The following MAGI1 variants were observed in gnomAD, a reference collection of about 807,000 sequenced individuals.
MAGI1 encodes membrane-associated guanylate kinase, WW and PDZ domain-containing protein 1.
In MAGI1, 58 loss-of-function variants were observed where a neutral mutation model predicts 139.9. The observed-to-expected ratio is 0.41, with a 90% CI of 0.34 to 0.52. The LOEUF is 0.52. Ranked by LOEUF, MAGI1 falls within the 20% of genes least tolerant of loss-of-function variation. The probability of loss-of-function intolerance (pLI) is 0.12; values close to 1 mark genes in which losing one functional copy is unlikely to be tolerated. For missense variants in MAGI1, 1,874 were observed against 1,901.6 expected (o/e 0.99, Z 0.27); for synonymous variants, 812 against 737.9 (o/e 1.10, Z -1.63).
At chr3:65,726,632 T>C (rs2033636800) in intron 1 of MAGI1, among the ~76,000 whole-genome samples, 1 of 152,192 alleles carries the variant, frequency 6.6e-6, no homozygotes, top group Non-Finnish European at 1.5e-5. Context: ...TTATACATAC[T>C]GATCCAAAAG....
intron 1 of MAGI1, among the ~76,000 whole-genome samples, chr3:66,024,315 T>TAAA (rs34593257): frequency 1.6e-4 from 15 of 95,744 alleles, no homozygotes; most frequent in Non-Finnish European, 2.4e-4. Flanking sequence ...CAAAGTTCAT[T>TAAA]AAAAAAAAAA....
intron 4 of MAGI1, among the ~76,000 whole-genome samples, chr3:65,473,973 A>C (rs150647968): frequency 6.6e-6 from 1 of 152,314 alleles, no homozygotes; most frequent in African/African-American, 2.4e-5. Context: ...TGTGATTTCA[A>C]AAAAATCTTT....
intron 1 of MAGI1, among the ~76,000 whole-genome samples, chr3:65,783,024 AAG>A (rs1372529584): frequency 1.3e-5 from 2 of 152,110 alleles, no homozygotes; most frequent in African/African-American, 4.8e-5. Context: ...AAGAAGAAAA[AAG>A]AGAAGTTGGA....
chr3:65,666,207 ACTTTCCATG>A (rs1303331227), intron 1 of MAGI1, among the ~76,000 whole-genome samples: 3 of 152,086 alleles, frequency 2.0e-5, no homozygotes, highest in African/African-American at 4.8e-5. Context: ...CCTCTTTAAA[ACTTTCCATG>A]TGTGTGTGTG....
chr3:65,688,481 TCCCTTTCCTA>T (rs1249843112), intron 1 of MAGI1: 2 of 460,234 alleles, frequency 4.3e-6, no homozygotes, highest in Non-Finnish European at 8.5e-6. Context: ...TTCCCTTCAC[TCCCTTTCCTA>T]CCCAAGGGGG....
At chr3:65,547,194 A>C (rs1330309878) in intron 2 of MAGI1, among the ~76,000 whole-genome samples, 1 of 152,238 alleles carries the variant, frequency 6.6e-6, no homozygotes, top group East Asian at 1.9e-4. Flanking sequence ...CGCATCTCTT[A>C]TGCAAAATAA....
At chr3:65,693,579 T>C (rs904093335) in intron 1 of MAGI1, among the ~76,000 whole-genome samples, 4 of 152,182 alleles carry the variant, frequency 2.6e-5, no homozygotes, top group Admixed American at 2.6e-4. Flanking sequence ...TTATTTGAAA[T>C]GTCTACTGTC....
Position 65,379,515 on chromosome 3 carries a change from G to C in MAGI1, c.2741C>G (p.Ser914Cys), listed in dbSNP as rs754063810. ...TENEVPSPAS[S>C]HHSSNQPASL... Reference sequence around the variant, plus strand: ...GGCCGGCTGGTTGCTACTGTGATGAGAGGAGGCTGGCGAGGGCACCTCGTT... The same window carrying C: ...GGCCGGCTGGTTGCTACTGTGATGACAGGAGGCTGGCGAGGGCACCTCGTT... Residue 914 changes from serine to cysteine, a missense_variant, in exon 17 of 23, where the codon TCT (serine) becomes TGT (cysteine). Ser to Cys is a moderately radical substitution (Grantham distance 112). Around this residue, in one of 5 missense-constraint regions of MAGI1, gnomAD observed 482 missense variants for 509.6 expected, o/e 0.95. Transcript: ENST00000402939. 2.5e-6 allele frequency: 4 copies of C among 1,612,932 alleles called. No individual in the cohort carries two copies. The highest frequency in any genetic ancestry group is 2.2e-5 in the East Asian group (1 of 44,846).
chr3:66,014,293 G>A (rs1034242012), intron 1 of MAGI1, among the ~76,000 whole-genome samples: 1 of 152,110 alleles, frequency 6.6e-6, no homozygotes, highest in Non-Finnish European at 1.5e-5. Flanking sequence ...TATCCTTGTT[G>A]TTCCAGATCT....
chr3:65,434,777 G>A (rs1262309331), intron 10 of MAGI1, among the ~76,000 whole-genome samples: 1 of 152,178 alleles, frequency 6.6e-6, no homozygotes, highest in Non-Finnish European at 1.5e-5. Context: ...ATATTCCAAA[G>A]ATTATAAAAG....
At position 66,038,563 on chromosome 3, in the gene MAGI1, C is replaced by A; in HGVS notation, c.-255G>T. On this transcript the variant is annotated 5_prime_UTR_variant, in exon 1 of 23. Coordinates refer to ENST00000402939, the MANE Select transcript of MAGI1 (RefSeq NM_001033057.2). The stretch of plus-strand genomic sequence containing the variant: ...TGTTTGCATTCCGGTGCCTCTGGGT[C>A]CACGTTCCGGCGCCCGCCCGTGCTC... 1 of 468,102 alleles carries A rather than the reference C, an allele frequency of 2.1e-6. No homozygotes were observed. Among genetic ancestry groups the A allele is most frequent in the Non-Finnish European group, 3.7e-6 (1 of 273,184 alleles). 29.0% of individuals were successfully genotyped at this position (468,102 alleles called of 1,614,324 possible). A position where few individuals can be genotyped will look rare whatever the true frequency, so the allele number is the denominator to read the frequency against.
intron 2 of MAGI1, among the ~76,000 whole-genome samples, chr3:65,598,649 A>G (rs1354262931): frequency 1.3e-5 from 2 of 152,228 alleles, no homozygotes; most frequent in East Asian, 1.9e-4. Flanking sequence ...CAAAGGTACA[A>G]TCTGACTCAG....
At position 65,897,685 on chromosome 3, in the gene MAGI1, C is replaced by G. The variant is rs551760323; in HGVS notation, c.313+140311G>C. Among the ~76,000 whole-genome samples the G allele has an allele frequency of 2.0e-5, 3 of 151,716 alleles. No homozygotes were observed. The South Asian group carries it at 6.3e-4, about 32-fold the overall frequency. ...CAACAACAACAACAACAAAAAAGAA[C>G]CTGTCTCCACAAAATTTTTTTTTAA... On this transcript the variant is annotated intron_variant, in intron 1 of 22. Transcript: ENST00000402939.
chr3:65,775,524 A>AG (rs2038335087), intron 1 of MAGI1, among the ~76,000 whole-genome samples: 1 of 150,166 alleles, frequency 6.7e-6, no homozygotes, highest in Admixed American at 6.7e-5. Flanking sequence ...AAAAAAAAAA[A>AG]AAAAGCATCT....
At chr3:65,565,661 A>G (rs1056756242) in intron 2 of MAGI1, among the ~76,000 whole-genome samples, 31 of 151,884 alleles carry the variant, frequency 2.0e-4, no homozygotes, top group African/African-American at 7.5e-4. Flanking sequence ...GTTCAAGACC[A>G]GCCTGGTCAA....
intron 1 of MAGI1, among the ~76,000 whole-genome samples, chr3:65,663,730 C>T (rs1310271155): frequency 6.6e-6 from 1 of 152,098 alleles, no homozygotes; most frequent in East Asian, 1.9e-4. Context: ...TTTGGGGCTG[C>T]CTTGTTCTTC....
chr3:65,847,704 T>C (rs1341000974), intron 1 of MAGI1, among the ~76,000 whole-genome samples: 1 of 152,262 alleles, frequency 6.6e-6, no homozygotes, highest in Non-Finnish European at 1.5e-5. Flanking sequence ...ATCGTTTATT[T>C]ATTCTTTTAT....
At chr3:65,530,652 TGTGTGTGTGTATATATATATAC>T (rs1360470612) in intron 2 of MAGI1, among the ~76,000 whole-genome samples, 1 of 140,172 alleles carries the variant, frequency 7.1e-6, no homozygotes, top group Non-Finnish European at 1.5e-5. Flanking sequence ...TGTGTGTGTG[TGTGTGTGTGTATATATATATAC>T]ATATATATAT....
intron 1 of MAGI1, among the ~76,000 whole-genome samples, chr3:65,993,528 G>A (rs1005084403): frequency 8.5e-5 from 13 of 152,144 alleles, no homozygotes; most frequent in Non-Finnish European, 5.9e-5. Context: ...CACTAATTGG[G>A]TGCCAAGCAC....
Sources: gnomAD v4.1 joint callset for allele counts (sites outside exome capture counted in the v4.1 genomes callset) on GRCh38, gnomAD v4.1.1 for gene constraint, gnomAD v4.1.1 regional missense constraint, MANE v1.5 for transcripts, NCBI Gene and HGNC (gene_info 2026-07-23, HGNC 2026-07-21) for gene names.